The following GLG1 variants were observed in gnomAD, a reference collection of about 807,000 sequenced individuals.
The protein encoded by GLG1 is Golgi apparatus protein 1.
In GLG1, 38 loss-of-function variants were observed where a neutral mutation model predicts 160.5. The ratio of observed to expected loss-of-function variants is 0.24; its 90% CI spans 0.18 to 0.31. GLG1 has a LOEUF of 0.31. Ranked by LOEUF, GLG1 falls within the 10% of genes least tolerant of loss-of-function variation. The pLI is 1.00. For synonymous variants in GLG1, 644 were observed against 543.4 expected (o/e 1.19, Z -2.57); for missense variants, 1,373 against 1,505.2 (o/e 0.91, Z 1.45).
chr16:74,469,067 C>A lies in GLG1; in HGVS notation c.2319-4G>T, dbSNP rs1346904929. On this transcript the variant is annotated splice_polypyrimidine_tract_variant and splice_region_variant and intron_variant, in intron 16 of 25. Coordinates refer to ENST00000422840, the MANE Select transcript of GLG1 (RefSeq NM_001145667.2). The stretch of plus-strand genomic sequence containing the variant: ...CAGGCAGATCACCACGTCCACCCTG[C>A]AGACGAAAGAAGCTTGAGGCTGGCT... 2.5e-6 allele frequency: 4 copies of A among 1,607,744 alleles called. No individual in the cohort carries two copies. Among genetic ancestry groups the A allele is most frequent in the Non-Finnish European group, 3.4e-6 (4 of 1,174,204 alleles).
At chr16:74,539,374 C>A (rs1219879462) in intron 1 of GLG1, among the ~76,000 whole-genome samples, 1 of 152,072 alleles carries the variant, frequency 6.6e-6, no homozygotes, top group Non-Finnish European at 1.5e-5. Context: ...AATTAGAGCT[C>A]ATTTATCCCT....
At chr16:74,519,255 T>C (rs542770414) in intron 2 of GLG1, among the ~76,000 whole-genome samples, 3 of 151,354 alleles carry the variant, frequency 2.0e-5, no homozygotes, top group Non-Finnish European at 2.9e-5. Flanking sequence ...AAGCACCACA[T>C]GTTCTCACTC....
At chr16:74,546,312 G>A (rs529554259) in intron 1 of GLG1, among the ~76,000 whole-genome samples, 1 of 151,416 alleles carries the variant, frequency 6.6e-6, no homozygotes, top group South Asian at 2.1e-4. Context: ...GGTGGCATGT[G>A]CCTGTAGTCC....
At chr16:74,529,189 G>A (rs1360954891) in intron 2 of GLG1, among the ~76,000 whole-genome samples, 5 of 151,884 alleles carry the variant, frequency 3.3e-5, no homozygotes, top group Non-Finnish European at 7.4e-5. Context: ...GGCTGGTCTC[G>A]AACTCCTGAC....
intron 2 of GLG1, among the ~76,000 whole-genome samples, chr16:74,509,238 T>C (rs1358355867): frequency 6.8e-6 from 1 of 146,402 alleles, no homozygotes; most frequent in East Asian, 2.0e-4. Context: ...AACGGCGTGA[T>C]CGTGGCTCAC....
In GLG1 at chr16:74,586,500, G is replaced by A. The variant is rs1597374039; in HGVS notation, c.438+20157C>T. ...AAAGATAATTTTTTTTTTGAGACAGGGTCTCGCTCTGTCACCCAAGCTGGA... is the reference window on the plus strand; with the variant it reads ...AAAGATAATTTTTTTTTTGAGACAGAGTCTCGCTCTGTCACCCAAGCTGGA... On this transcript the variant is annotated intron_variant, in intron 1 of 25. Coordinates refer to ENST00000422840, the MANE Select transcript of GLG1 (RefSeq NM_001145667.2). 3.3e-5 allele frequency among the ~76,000 whole-genome samples: 5 copies of A among 151,424 alleles called. No homozygotes were observed. In the South Asian group the frequency reaches 1.0e-3, roughly 32 times the overall value.
chr16:74,564,243 T>C (rs2018589349), intron 1 of GLG1, among the ~76,000 whole-genome samples: 1 of 152,198 alleles, frequency 6.6e-6, no homozygotes, highest in African/African-American at 2.4e-5. Context: ...TTGTTGCACG[T>C]GGATGAATAT....
intron 1 of GLG1, among the ~76,000 whole-genome samples, chr16:74,543,443 A>C (rs1488215444): frequency 1.3e-5 from 2 of 152,194 alleles, no homozygotes; most frequent in Non-Finnish European, 2.9e-5. Flanking sequence ...TAGCTACTGC[A>C]CTCCAGCCTG....
chr16:74,520,049 C>T (rs1410244360), intron 2 of GLG1, among the ~76,000 whole-genome samples: 3 of 152,100 alleles, frequency 2.0e-5, no homozygotes, highest in Non-Finnish European at 4.4e-5. Context: ...TTTCATAGGC[C>T]TATTTTCCTA....
At chr16:74,523,925 A>G in intron 2 of GLG1, among the ~76,000 whole-genome samples, 1 of 152,138 alleles carries the variant, frequency 6.6e-6, no homozygotes, top group African/African-American at 2.4e-5. Context: ...TAAAAAAAAT[A>G]ATAGGCCAGG....
At chr16:74,472,579 C>T (rs1046642970) in intron 13 of GLG1, 168 bp from the exon 14 acceptor site, 8 of 1,501,424 alleles carry the variant, frequency 5.3e-6, no homozygotes, top group Non-Finnish European at 7.1e-6. Flanking sequence ...AAATATAGAA[C>T]TGCTCCTCCG....
intron 2 of GLG1, among the ~76,000 whole-genome samples, chr16:74,509,673 C>A (rs1480997551): frequency 2.6e-5 from 4 of 151,732 alleles, no homozygotes; most frequent in African/African-American, 9.7e-5. Flanking sequence ...CACAGTGAAA[C>A]CCCGTTTCTA....
chr16:74,509,631 C>T (rs571147241), intron 2 of GLG1, among the ~76,000 whole-genome samples: 1 of 151,930 alleles, frequency 6.6e-6, no homozygotes, highest in African/African-American at 2.4e-5. Flanking sequence ...GGGCGGATCA[C>T]GAGGTCAGGA....
intron 5 of GLG1, 134 bp downstream of exon 5, chr16:74,496,307 A>C (rs1307684446): frequency 1.6e-6 from 1 of 634,936 alleles, no homozygotes; most frequent in Non-Finnish European, 2.7e-6. Flanking sequence ...GCTTCAGGTC[A>C]GAAGTTCGTG....
intron 12 of GLG1, among the ~76,000 whole-genome samples, chr16:74,474,941 G>A (rs1487265250): frequency 6.6e-6 from 1 of 152,056 alleles, no homozygotes; most frequent in African/African-American, 2.4e-5. Flanking sequence ...CAGATCACCT[G>A]GGGTCAGGAG....
chr16:74,589,694 A>G (rs888642491), intron 1 of GLG1, among the ~76,000 whole-genome samples: 2 of 152,136 alleles, frequency 1.3e-5, no homozygotes, highest in African/African-American at 4.8e-5. Context: ...GAAACACAAC[A>G]ATGTCTTCTG....
chr16:74,588,073 T>C (rs939235218), intron 1 of GLG1, among the ~76,000 whole-genome samples: 4 of 140,352 alleles, frequency 2.8e-5, no homozygotes, highest in African/African-American at 5.4e-5. Context: ...TTATCCAAAA[T>C]GAAACACAGA....
chr16:74,503,872 G>A, intron 3 of GLG1, 126 bp from the exon 4 acceptor site: 1 of 651,642 alleles, frequency 1.5e-6, no homozygotes, highest in African/African-American at 1.8e-5. Flanking sequence ...AAGAAAAAAA[G>A]AAAAATGCTT....
chr16:74,489,348 G>C (rs922421868), intron 8 of GLG1, among the ~76,000 whole-genome samples: 2 of 151,920 alleles, frequency 1.3e-5, no homozygotes, highest in African/African-American at 2.4e-5. Context: ...GTGGGCAACT[G>C]TAATCCCAGC....
Sources: gnomAD v4.1 joint callset for allele counts (sites outside exome capture counted in the v4.1 genomes callset) on GRCh38, gnomAD v4.1.1 for gene constraint, MANE v1.5 for transcripts, NCBI Gene and HGNC (gene_info 2026-07-23, HGNC 2026-07-21) for gene names.